The following SNX29 variants were observed in gnomAD, a reference collection of about 807,000 sequenced individuals.
SNX29 encodes the protein sorting nexin 29.
A neutral mutation model predicts 102.1 loss-of-function variants in SNX29; 78 were observed. That is an observed-to-expected ratio of 0.76 (90% CI 0.64 to 0.92). SNX29 has a LOEUF of 0.92. Ranked by LOEUF, SNX29 falls within the 40% of genes least tolerant of loss-of-function variation. SNX29 has a pLI of 0.00. For synonymous variants in SNX29, 580 were observed against 414.5 expected (o/e 1.40, Z -4.85); for missense variants, 1,280 against 1,061.7 (o/e 1.21, Z -2.86).
chr16:12,240,870 T>G (rs2078083628), intron 14 of SNX29, among the ~76,000 whole-genome samples: 1 of 152,146 alleles, frequency 6.6e-6, no homozygotes, highest in African/African-American at 2.4e-5. Flanking sequence ...CCTGTCAAAG[T>G]GCTGGGATTA....
At chr16:12,437,326 C>T (rs1186808610) in intron 18 of SNX29, among the ~76,000 whole-genome samples, 1 of 152,108 alleles carries the variant, frequency 6.6e-6, no homozygotes, top group Non-Finnish European at 1.5e-5. Flanking sequence ...ACTGTGCTCT[C>T]AGCTCAGGAT....
chr16:12,551,875 G>A lies in SNX29; in HGVS notation c.2319-16631G>A, dbSNP rs541947902. Among the ~76,000 whole-genome samples, 8 of 152,278 alleles carry A rather than the reference G, an allele frequency of 5.3e-5. No homozygotes were observed. The South Asian group carries it at 8.3e-4, about 16-fold the overall frequency. ...CAGGAGCAGGCAGGTGATATTTCTAGCCTGTCTGCTCATCTGTAAGGTAGG... is the reference window on the plus strand; with the variant it reads ...CAGGAGCAGGCAGGTGATATTTCTAACCTGTCTGCTCATCTGTAAGGTAGG... On this transcript the variant is annotated intron_variant, in intron 20 of 20. Coordinates refer to ENST00000566228, the MANE Select transcript of SNX29 (RefSeq NM_032167.5).
At chr16:12,283,522 T>C (rs1055209148) in intron 15 of SNX29, among the ~76,000 whole-genome samples, 2 of 152,076 alleles carry the variant, frequency 1.3e-5, no homozygotes, top group African/African-American at 2.4e-5. Flanking sequence ...GATTTCACCA[T>C]GTTGGTCAGG....
chr16:12,200,569 G>A (rs751904591), intron 14 of SNX29, among the ~76,000 whole-genome samples: 17 of 151,720 alleles, frequency 1.1e-4, no homozygotes, highest in Non-Finnish European at 1.6e-4. Flanking sequence ...TGCAACTTCC[G>A]CTTCCTGGGT....
chr16:12,152,611 G>C (rs550484372), intron 13 of SNX29, among the ~76,000 whole-genome samples: 237 of 152,318 alleles, frequency 1.6e-3, no homozygotes, highest in Middle Eastern at 3.4e-3. Context: ...CGGTGTTTCT[G>C]AGGCTCTTTC....
At chr16:12,163,966 A>G (rs762192871) in intron 13 of SNX29, among the ~76,000 whole-genome samples, 3 of 152,220 alleles carry the variant, frequency 2.0e-5, no homozygotes, top group Non-Finnish European at 4.4e-5. Context: ...GGTCACAGGT[A>G]GTACAGCTCT....
intron 14 of SNX29, among the ~76,000 whole-genome samples, chr16:12,241,167 A>G (rs1010802264): frequency 2.0e-5 from 3 of 152,214 alleles, no homozygotes; most frequent in Non-Finnish European, 2.9e-5. Context: ...GATTCCAATT[A>G]TAATTTTTTA....
At chr16:12,556,416 G>A (rs183676208) in intron 20 of SNX29, 1 of 152,380 alleles carries the variant, frequency 6.6e-6, no homozygotes, top group Admixed American at 6.5e-5. Context: ...TGACACTTCA[G>A]ATGGCTACAG....
Position 12,566,520 on chromosome 16 carries a change from G to A in SNX29, c.2319-1986G>A, listed in dbSNP as rs144140166. On this transcript the variant is annotated intron_variant, in intron 20 of 20. Coordinates refer to ENST00000566228, the MANE Select transcript of SNX29 (RefSeq NM_032167.5). ...CAGGCTAAGTGGCTGCTCAGACCCC[G>A]CATCTGAAGAGCATGACAGGAGGGG... Among the ~76,000 whole-genome samples the A allele has an allele frequency of 4.6e-4, 70 of 152,290 alleles. No individual in the cohort carries two copies. In the East Asian group the frequency reaches 5.8e-3, roughly 13 times the overall value.
rs67550670 is a variant in SNX29, at chr16:12,182,189, GTT to G, written c.1596-17392_1596-17391del. ...GGCATGAGCCACTGTGCCCGGCCTA[GTT>G]TTTTTTTTTTTTTTTTTTTAATGGG... On this transcript the variant is annotated intron_variant, in intron 13 of 20. Transcript: ENST00000566228. Among the ~76,000 whole-genome samples, 1,199 of 122,032 alleles carry G rather than the reference GTT, an allele frequency of 9.8e-3. 5 individuals are homozygous for G. The highest frequency in any genetic ancestry group is 0.012 in the Non-Finnish European group (728 of 59,726). 80.1% of individuals were successfully genotyped at this position (122,032 alleles called of 152,430 possible). A position where few individuals can be genotyped will look rare whatever the true frequency, so the allele number is the denominator to read the frequency against.
chr16:12,448,461 A>G (rs2086161273), intron 18 of SNX29, among the ~76,000 whole-genome samples: 1 of 129,618 alleles, frequency 7.7e-6, no homozygotes, highest in Non-Finnish European at 1.6e-5. Flanking sequence ...GTTCAAGGCA[A>G]TTGGGAACTC....
intron 20 of SNX29, among the ~76,000 whole-genome samples, chr16:12,544,962 G>C (rs980896667): frequency 1.3e-5 from 2 of 152,236 alleles, no homozygotes; most frequent in Non-Finnish European, 2.9e-5. Context: ...TGAGGAAACA[G>C]GCTCAGAGAG....
intron 16 of SNX29, chr16:12,374,700 G>C (rs1277954215): frequency 6.6e-6 from 1 of 152,154 alleles, no homozygotes; most frequent in Non-Finnish European, 1.5e-5. Flanking sequence ...CTCAGATGCG[G>C]CTGCAGTAGA....
chr16:12,241,705 G>T (rs913180411), intron 14 of SNX29, among the ~76,000 whole-genome samples: 2 of 152,042 alleles, frequency 1.3e-5, no homozygotes, highest in Non-Finnish European at 2.9e-5. Context: ...CAAGTGATCC[G>T]CCTGCCTTGG....
intron 14 of SNX29, among the ~76,000 whole-genome samples, chr16:12,252,097 C>T (rs116242630): frequency 1.1e-3 from 161 of 152,288 alleles, no homozygotes; most frequent in Middle Eastern, 0.01. Flanking sequence ...TCACAGTATT[C>T]TCCCAAGCCC....
intron 14 of SNX29, among the ~76,000 whole-genome samples, chr16:12,226,574 C>CCT (rs757642203): frequency 4.5e-4 from 60 of 133,240 alleles, no homozygotes; most frequent in Admixed American, 3.8e-3. Context: ...ACTGAGCCTT[C>CCT]TTTTTTTTTT....
At chr16:12,376,803 C>G (rs552543729) in intron 16 of SNX29, among the ~76,000 whole-genome samples, 1 of 151,076 alleles carries the variant, frequency 6.6e-6, no homozygotes, top group South Asian at 2.1e-4. Flanking sequence ...CTCACCCTGG[C>G]CTCTTCTTCA....
At chr16:12,122,968 A>G (rs1177002185) in intron 11 of SNX29, among the ~76,000 whole-genome samples, 2 of 152,000 alleles carry the variant, frequency 1.3e-5, no homozygotes, top group African/African-American at 4.8e-5. Flanking sequence ...CTGGAATTAG[A>G]GGCGCCTGCC....
intron 20 of SNX29, among the ~76,000 whole-genome samples, chr16:12,536,824 A>C (rs1360893838): frequency 6.6e-6 from 1 of 152,076 alleles, no homozygotes; most frequent in Non-Finnish European, 1.5e-5. Context: ...AAAACTGCAA[A>C]AATTAGCCAG....
Sources: gnomAD v4.1 joint callset for allele counts (sites outside exome capture counted in the v4.1 genomes callset) on GRCh38, gnomAD v4.1.1 for gene constraint, MANE v1.5 for transcripts, NCBI Gene and HGNC (gene_info 2026-07-23, HGNC 2026-07-21) for gene names.